Variants in MYO5A observed in about 807,000 individuals in gnomAD.
MYO5A encodes myosin VA.
A neutral mutation model predicts 249.7 loss-of-function variants in MYO5A; 98 were observed. The ratio of observed to expected loss-of-function variants is 0.39; its 90% CI spans 0.33 to 0.46. MYO5A has a LOEUF of 0.46. Among genes scored for constraint, MYO5A ranks in the 20% least tolerant of loss-of-function variants. The probability of loss-of-function intolerance (pLI) is 0.98; values close to 1 mark genes in which losing one functional copy is unlikely to be tolerated. For synonymous variants in MYO5A, 778 were observed against 810.6 expected (o/e 0.96, Z 0.68); for missense variants, 1,696 against 2,308.8 (o/e 0.73, Z 5.44).
chr15:52,360,017 A>G lies in MYO5A; in HGVS notation c.3374T>C (p.Ile1125Thr), dbSNP rs1489589751. The change falls in exon 25 of 42, where the codon ATC becomes ACC. Residue 1125 changes from isoleucine to threonine, a missense_variant. Physicochemically the swap from Ile to Thr is moderately conservative, Grantham distance 89. Transcript: ENST00000399233. ...STHSSNESEY[I>T]FSSEIAEMED... ...CATTTCTGCAATTTCAGAGCTAAAG[A>G]TATATTCAGACTCGTTGCTGCTGTG... 2 of 1,613,658 alleles carry G rather than the reference A, an allele frequency of 1.2e-6. No individual in the cohort carries two copies. The highest frequency in any genetic ancestry group is 2.7e-5 in the African/African-American group (2 of 74,894).
intron 39 of MYO5A, 99 bp downstream of exon 39, chr15:52,318,961 G>C (rs1329525048): frequency 2.1e-6 from 3 of 1,439,386 alleles, no homozygotes; most frequent in Non-Finnish European, 2.9e-6. Flanking sequence ...CACCAGACAT[G>C]AGATGCAAGA....
At chr15:52,352,591 C>T (rs555063957) in intron 27 of MYO5A, among the ~76,000 whole-genome samples, 1 of 152,204 alleles carries the variant, frequency 6.6e-6, no homozygotes, top group African/African-American at 2.4e-5. Flanking sequence ...ACCATCCTGG[C>T]TAACATGGTG....
intron 1 of MYO5A, among the ~76,000 whole-genome samples, chr15:52,478,209 G>A (rs543665264): frequency 2.6e-5 from 4 of 152,244 alleles, no homozygotes; most frequent in Non-Finnish European, 5.9e-5. Flanking sequence ...GACCCTCCGA[G>A]CCAGGCGCGG....
At chr15:52,430,631 C>A (rs985754645) in intron 2 of MYO5A, among the ~76,000 whole-genome samples, 13 of 152,148 alleles carry the variant, frequency 8.5e-5, no homozygotes, top group African/African-American at 3.1e-4. Flanking sequence ...TGTTTGACCC[C>A]TGTCCCTAGT....
chr15:52,528,086 G>T (rs1382086141), intron 1 of MYO5A, among the ~76,000 whole-genome samples: 5 of 152,140 alleles, frequency 3.3e-5, no homozygotes, highest in South Asian at 2.1e-4. Flanking sequence ...ACCCAGAAGG[G>T]AAAGGCTTGC....
At chr15:52,461,781 T>C (rs2076253899) in intron 1 of MYO5A, among the ~76,000 whole-genome samples, 1 of 151,280 alleles carries the variant, frequency 6.6e-6, no homozygotes. Flanking sequence ...GCCAACATAG[T>C]GAAACCCCGT....
At chr15:52,446,119 T>C (rs538621763) in intron 1 of MYO5A, among the ~76,000 whole-genome samples, 1 of 152,340 alleles carries the variant, frequency 6.6e-6, no homozygotes, top group Non-Finnish European at 1.5e-5. Context: ...GGAAAAGGCC[T>C]GGAAGGCATT....
At chr15:52,319,021 A>G (rs183608982) in intron 39 of MYO5A, 39 bp downstream of exon 39, 9 of 1,610,904 alleles carry the variant, frequency 5.6e-6, no homozygotes, top group Middle Eastern at 1.9e-4. Flanking sequence ...CCAGCTGGGC[A>G]GCAAAAAGAC....
In MYO5A at chr15:52,374,433, T is replaced by G. The variant is rs572028096; in HGVS notation, c.2577+871A>C. The stretch of plus-strand genomic sequence containing the variant: ...TCTGAATAGGGGGCCCCAAGGAAAT[T>G]AGGTGCTAATCCCTGGAACCTGCAA... On this transcript the variant is annotated intron_variant, in intron 20 of 41. Coordinates refer to ENST00000399233, the MANE Select transcript of MYO5A (RefSeq NM_001382347.1). Among the ~76,000 whole-genome samples, 242 of 152,272 alleles carry G rather than the reference T, an allele frequency of 1.6e-3. 1 individual carries two copies. Among genetic ancestry groups the G allele is most frequent in the African/African-American group, 5.6e-3 (231 of 41,560 alleles).
At chr15:52,392,134 T>C (rs2042266053) in intron 11 of MYO5A, 64 bp from the exon 12 acceptor site, 12 of 1,479,428 alleles carry the variant, frequency 8.1e-6, no homozygotes, top group Non-Finnish European at 1.1e-5. Flanking sequence ...GTAGTCAAGA[T>C]GATACCAACA....
intron 18 of MYO5A, among the ~76,000 whole-genome samples, chr15:52,377,034 G>C (rs1055313834): frequency 2.0e-5 from 3 of 151,450 alleles, no homozygotes; most frequent in Non-Finnish European, 3.0e-5. Flanking sequence ...AAAATCCTTG[G>C]GTATTCATAT....
chr15:52,375,029 C>G (rs1288262386), intron 20 of MYO5A, among the ~76,000 whole-genome samples: 6 of 152,078 alleles, frequency 3.9e-5, no homozygotes, highest in Admixed American at 2.0e-4. Flanking sequence ...CCTATAATCT[C>G]AGCACTTTGG....
At chr15:52,340,429 G>T (rs370953736) in intron 31 of MYO5A, 35 bp from the exon 32 acceptor site, 8 of 1,594,414 alleles carry the variant, frequency 5.0e-6, no homozygotes, top group South Asian at 1.1e-5. Context: ...AAGGGGAGAC[G>T]ACACCCCGAG....
Position 52,314,185 on chromosome 15 carries a change from A to G in MYO5A, c.5428T>C (p.Leu1810=), listed in dbSNP as rs1393136865. The G allele has an allele frequency of 6.2e-7, 1 of 1,611,282 alleles. No homozygotes were observed. Among genetic ancestry groups the G allele is most frequent in the Non-Finnish European group, 8.5e-7 (1 of 1,177,806 alleles). ...TCAAACTCATTAACTGGAGTATACA[A>G]ATTCAACACTTTCACAATCTGTGAG... ...TTAQIVKVLN[L]YTPVNEFEER... The change falls in exon 41 of 42, where the codon TTG becomes CTG. Residue 1810 remains leucine, a synonymous_variant. Coordinates refer to ENST00000399233, the MANE Select transcript of MYO5A (RefSeq NM_001382347.1).
At chr15:52,459,147 A>ATTTT (rs531798708) in intron 1 of MYO5A, among the ~76,000 whole-genome samples, 2 of 64,292 alleles carry the variant, frequency 3.1e-5, no homozygotes, top group Admixed American at 2.4e-4. Flanking sequence ...TTTTCCAGAA[A>ATTTT]TTTTTTTTTT....
At chr15:52,491,629 T>C (rs1265025132) in intron 1 of MYO5A, among the ~76,000 whole-genome samples, 4 of 152,254 alleles carry the variant, frequency 2.6e-5, no homozygotes, top group African/African-American at 9.6e-5. Context: ...AAGATCTGTC[T>C]CATGCTAACA....
At chr15:52,440,427 C>G (rs775581916) in intron 1 of MYO5A, among the ~76,000 whole-genome samples, 1 of 152,188 alleles carries the variant, frequency 6.6e-6, no homozygotes, top group Non-Finnish European at 1.5e-5. Flanking sequence ...ACCACAACAC[C>G]TGGCTAATTT....
chr15:52,326,820 C>T (rs957025419), intron 36 of MYO5A, among the ~76,000 whole-genome samples: 1 of 152,100 alleles, frequency 6.6e-6, no homozygotes, highest in Admixed American at 6.5e-5. Flanking sequence ...TAAAAGCTCT[C>T]GTTAAGTTTG....
intron 5 of MYO5A, among the ~76,000 whole-genome samples, chr15:52,414,557 C>A (rs722436): frequency 0.47 from 71,254 of 151,962 alleles, 18,480 homozygotes; most frequent in East Asian, 0.85. Context: ...GTTATCTTCA[C>A]AGACAACTTC....
Sources: gnomAD v4.1 joint callset for allele counts (sites outside exome capture counted in the v4.1 genomes callset) on GRCh38, gnomAD v4.1.1 for gene constraint, MANE v1.5 for transcripts, NCBI Gene and HGNC (gene_info 2026-07-23, HGNC 2026-07-21) for gene names.